Variants in ZNF232 observed in about 807,000 individuals in gnomAD.
ZNF232 encodes the protein zinc finger protein 232.
ZNF232 carries 25 observed loss-of-function variants against 25.2 expected under a neutral mutation model. The observed-to-expected ratio is 0.99, with a 90% CI of 0.72 to 1.39. The LOEUF is 1.39. Among genes scored for constraint, ZNF232 ranks in the 40% most tolerant of loss-of-function variants. ZNF232 has a pLI of 0.00. For missense variants in ZNF232, 519 were observed against 520.9 expected (o/e 1.00, Z 0.04); for synonymous variants, 193 against 182.9 (o/e 1.06, Z -0.45).
intron 1 of ZNF232, among the ~76,000 whole-genome samples, chr17:5,110,886 G>T (rs911013108): frequency 7.9e-5 from 12 of 152,182 alleles, no homozygotes; most frequent in African/African-American, 2.7e-4. Flanking sequence ...AATTTAATGG[G>T]GAGAAAGCTG....
In ZNF232 at chr17:5,106,539, T is replaced by C; in HGVS notation, c.626-33A>G. On this transcript the variant is annotated intron_variant, in intron 3 of 3. Transcript: ENST00000575898. ...AAAATGTAAATATACCTGTTCTGGATGTATGAAGAAATGACACTTAGATTA... is the reference window on the plus strand; with the variant it reads ...AAAATGTAAATATACCTGTTCTGGACGTATGAAGAAATGACACTTAGATTA... The C allele has an allele frequency of 6.3e-7, 1 of 1,577,092 alleles. No homozygotes were observed. Among genetic ancestry groups the C allele is most frequent in the Non-Finnish European group, 8.6e-7 (1 of 1,161,870 alleles).
chr17:5,112,106 A>C (rs2072430897), upstream of ZNF232: 2 of 536,984 alleles, frequency 3.7e-6, no homozygotes, highest in Non-Finnish European at 6.5e-6. Flanking sequence ...GCGCAGGTGG[A>C]GAGTGAGCCC....
At chr17:5,120,513 C>G (rs1213090053) in intron 1 of ZNF232, 1 of 302,538 alleles carries the variant, frequency 3.3e-6, no homozygotes, top group African/African-American at 2.2e-5. Context: ...CTATCTGTGT[C>G]TGTCTGTCTG....
chr17:5,121,911 A>C (rs1409449394), intron 1 of ZNF232, among the ~76,000 whole-genome samples: 1 of 152,186 alleles, frequency 6.6e-6, no homozygotes, highest in African/African-American at 2.4e-5. Flanking sequence ...AGTCTGATTG[A>C]GGAGCCTTGA....
chr17:5,111,833 CCGCGAATCGCGCCACT>C (rs778296163), exon 1 of ZNF232: 13 of 1,613,660 alleles, frequency 8.1e-6, no homozygotes, highest in African/African-American at 1.6e-4. Context: ...CGGGGCGCTG[CCGCGAATCGCGCCACT>C]TACAGCCCTC....
At chr17:5,122,194 T>C (rs2072694868) in intron 1 of ZNF232, among the ~76,000 whole-genome samples, 3 of 151,588 alleles carry the variant, frequency 2.0e-5, no homozygotes, top group African/African-American at 7.3e-5. Context: ...AGGTTATAGC[T>C]CAAAACAGCA....
At chr17:5,121,203 G>A (rs948630604) in intron 1 of ZNF232, among the ~76,000 whole-genome samples, 1 of 152,216 alleles carries the variant, frequency 6.6e-6, no homozygotes, top group Non-Finnish European at 1.5e-5. Flanking sequence ...AACAACCGCA[G>A]AGCAGGCTGA....
intron 1 of ZNF232, among the ~76,000 whole-genome samples, chr17:5,117,877 C>T (rs1319503187): frequency 6.6e-6 from 1 of 152,000 alleles, no homozygotes; most frequent in Non-Finnish European, 1.5e-5. Context: ...GGCAGATCAC[C>T]AGGAGTTTAA....
intron 2 of ZNF232, 107 bp downstream of exon 2, chr17:5,109,287 T>G: frequency 2.2e-6 from 3 of 1,385,162 alleles, no homozygotes; most frequent in Non-Finnish European, 3.1e-6. Flanking sequence ...CTGCTCTACC[T>G]GGCCCAAGAG....
rs183569490 is a variant in ZNF232, at chr17:5,111,449, T to C, written c.23+351A>G. 3.2e-4 allele frequency: 127 copies of C among 402,430 alleles called. 1 individual carries two copies. In the East Asian group the frequency reaches 5.1e-3, roughly 16 times the overall value. 24.9% of individuals were successfully genotyped at this position (402,430 alleles called of 1,614,324 possible). A position where few individuals can be genotyped will look rare whatever the true frequency, so the allele number is the denominator to read the frequency against. On this transcript the variant is annotated intron_variant, in intron 1 of 3. Transcript: ENST00000575898. Reference sequence around the variant, plus strand: ...GCGGAGCTCGCGTCTCCCAGGGTGATGCCCGGCGCCGCTGGCCCCAGCAAA... The same window carrying C: ...GCGGAGCTCGCGTCTCCCAGGGTGACGCCCGGCGCCGCTGGCCCCAGCAAA...
At chr17:5,118,956 A>G (rs1297153932) in intron 1 of ZNF232, among the ~76,000 whole-genome samples, 1 of 152,182 alleles carries the variant, frequency 6.6e-6, no homozygotes, top group African/African-American at 2.4e-5. Context: ...GAAAGAACCA[A>G]TCGGGAGGGA....
chr17:5,121,351 C>A, intron 1 of ZNF232: 1 of 342,580 alleles, frequency 2.9e-6, no homozygotes, highest in South Asian at 2.4e-5. Context: ...TCCTGAAACC[C>A]CTGTGGCCCA....
At chr17:5,107,091 G>C (rs2072277160) in intron 3 of ZNF232, among the ~76,000 whole-genome samples, 1 of 151,516 alleles carries the variant, frequency 6.6e-6, no homozygotes, top group African/African-American at 2.4e-5. Flanking sequence ...TCCTTAAAAA[G>C]GGAAAAAGAG....
chr17:5,115,555 A>ACACACACAC (rs2072512102), upstream of ZNF232, among the ~76,000 whole-genome samples: 2 of 148,664 alleles, frequency 1.3e-5, no homozygotes, highest in African/African-American at 5.0e-5. Context: ...CGTCTCCAAA[A>ACACACACAC]ACACACACAC....
chr17:5,115,732 A>ACT (rs1482179892), upstream of ZNF232, among the ~76,000 whole-genome samples: 1 of 152,186 alleles, frequency 6.6e-6, no homozygotes, highest in African/African-American at 2.4e-5. Flanking sequence ...CCTTCCAGTC[A>ACT]CTGAGGGAGG....
chr17:5,114,490 A>T (rs908662877), upstream of ZNF232: 3 of 152,364 alleles, frequency 2.0e-5, no homozygotes, highest in Non-Finnish European at 2.9e-5. Context: ...CAATGCATTT[A>T]TAAGGCCTCT....
intron 1 of ZNF232, 125 bp from the exon 2 acceptor site, chr17:5,109,993 G>A (rs528421833): frequency 2.2e-5 from 20 of 894,642 alleles, no homozygotes; most frequent in Admixed American, 3.1e-5. Flanking sequence ...GGGTTCTAGC[G>A]ATTCTCCTAC....
chr17:5,107,852 T>A (rs1158595991), intron 3 of ZNF232, among the ~76,000 whole-genome samples: 1 of 152,174 alleles, frequency 6.6e-6, no homozygotes, highest in Non-Finnish European at 1.5e-5. Context: ...TTTGATTTTT[T>A]AAAAATTCAT....
intron 1 of ZNF232, chr17:5,121,454 C>T (rs1446725216): frequency 1.1e-5 from 3 of 284,414 alleles, no homozygotes; most frequent in Admixed American, 4.8e-5. Context: ...AGCTCTACAT[C>T]TCTGTGCAGA....
Sources: gnomAD v4.1 joint callset for allele counts (sites outside exome capture counted in the v4.1 genomes callset) on GRCh38, gnomAD v4.1.1 for gene constraint, MANE v1.5 for transcripts, NCBI Gene and HGNC (gene_info 2026-07-23, HGNC 2026-07-21) for gene names.